Variants in SLC12A9 observed in about 807,000 individuals in gnomAD.
SLC12A9 encodes the protein CCC-interacting protein 1.
A neutral mutation model predicts 66.0 loss-of-function variants in SLC12A9; 55 were observed. That is an observed-to-expected ratio of 0.83 (90% confidence interval 0.67 to 1.04). The LOEUF (loss-of-function observed/expected upper bound fraction) is 1.04. Among genes scored for constraint, SLC12A9 ranks in the 50% least tolerant of loss-of-function variants. The pLI is 0.00. For synonymous variants in SLC12A9, 577 were observed against 569.0 expected (o/e 1.01, Z -0.20); for missense variants, 1,061 against 1,241.9 (o/e 0.85, Z 2.19).
intron 1 of SLC12A9, among the ~76,000 whole-genome samples, chr7:100,840,517 A>G (rs774404409): frequency 6.6e-6 from 1 of 152,040 alleles, no homozygotes; most frequent in Non-Finnish European, 1.5e-5. Flanking sequence ...CCCCCAACAC[A>G]CAGCGGTTGA....
chr7:100,865,913 G>T lies in SLC12A9; in HGVS notation c.2053G>T (p.Ala685Ser). 2 of 1,613,508 alleles carry T rather than the reference G, an allele frequency of 1.2e-6. No homozygotes were observed. The highest frequency in any genetic ancestry group is 1.7e-6 in the Non-Finnish European group (2 of 1,180,006). Residue 685 changes from alanine (A) to serine (S), a missense_variant, in exon 14 of 14, where the codon GCC (alanine) becomes TCC (serine). Coordinates refer to ENST00000354161, the MANE Select transcript of SLC12A9 (RefSeq NM_020246.4). ...PRALNPQDYV[A>S]TVADALKMNK... The stretch of plus-strand genomic sequence containing the variant: ...GGCCCTCAATCCCCAGGACTATGTG[G>T]CCACGGTGGCCGACGCCCTCAAGAT...
At chr7:100,851,784 C>CA (rs66749400), upstream of SLC12A9, among the ~76,000 whole-genome samples, 5,866 of 73,972 alleles carry the variant, frequency 0.079, 382 homozygotes, top group African/African-American at 0.19. Flanking sequence ...GTTCCTGGAT[C>CA]AAAAAAAAAA....
At position 100,861,165 on chromosome 7, in the gene SLC12A9, A is replaced by G; in HGVS notation, c.1246A>G (p.Thr416Ala). The change falls in exon 10 of 14, where the codon ACA (threonine) becomes GCA (alanine). Residue 416 changes from threonine to alanine, a missense_variant. By Grantham distance (58) the Thr-to-Ala change is moderately conservative. Coordinates refer to ENST00000354161, the MANE Select transcript of SLC12A9 (RefSeq NM_020246.4). The surrounding 1 kb of genome is among the most constrained non-coding windows in gnomAD (Gnocchi z 5.3). ...GGTGCTCCTGGCTGGGAAGCTGAAC[A>G]CACTGGCTGCTGTGGTCACTGTCTT... ...QLVLLAGKLN[T>A]LAAVVTVFYL... 2 of 1,614,168 alleles carry G rather than the reference A, an allele frequency of 1.2e-6. No individual in the cohort carries two copies.
rs1815133335 is a variant in SLC12A9 at position 100,866,967 on chromosome 7, A to G, written c.*362A>G. 8.5e-6 allele frequency: 2 copies of G among 234,006 alleles called. No individual in the cohort carries two copies. Among genetic ancestry groups the G allele is most frequent in the South Asian group, 2.7e-4 (2 of 7,280 alleles). 14.5% of individuals were successfully genotyped at this position (234,006 alleles called of 1,614,324 possible). A position where few individuals can be genotyped will look rare whatever the true frequency, so the allele number is the denominator to read the frequency against. On this transcript the variant is annotated 3_prime_UTR_variant, in exon 14 of 14. Transcript: ENST00000354161. This position sits in a 1 kb window ranked among gnomAD's most constrained non-coding sequence, Gnocchi z 7.3. ...GGTGGTGATGTTTTCGTTCTGTTTT[A>G]TTTTTCTAACTCTGCTGACCATGAA...
At chr7:100,850,166 CCCAGCCT>C (rs1280960915), upstream of SLC12A9, among the ~76,000 whole-genome samples, 1 of 151,846 alleles carries the variant, frequency 6.6e-6, no homozygotes. Context: ...AGCCACAATG[CCCAGCCT>C]CCTTCTTTTC....
In SLC12A9 at chr7:100,859,081, T is replaced by C. The variant is rs1005172878; in HGVS notation, c.897T>C (p.Pro299=). ...TGAAGGACCCCAGCCGGGCGATCCC[T>C]CTGGGCACGATCGTCGCCGTCGCCT... ...GELKDPSRAI[P]LGTIVAVAYT... The change falls in exon 7 of 14, where the codon CCT becomes CCC. Residue 299 remains proline, a synonymous_variant. Transcript: ENST00000354161. The C allele has an allele frequency of 6.2e-7, 1 of 1,613,920 alleles. No individual in the cohort carries two copies. The highest frequency in any genetic ancestry group is 8.5e-7 in the Non-Finnish European group (1 of 1,180,012).
Position 100,856,909 on chromosome 7 carries a change from T to A in SLC12A9, c.490T>A (p.Tyr164Asn), listed in dbSNP as rs1352070872. ...PSGLRVLPQG[Y>N]GWNLLYGSLL... ...TGGGCTCCGGGTCCTGCCCCAGGGCTACGGCTGGAACCTGCTGTATGGCTC... is the reference window on the plus strand; with the variant it reads ...TGGGCTCCGGGTCCTGCCCCAGGGCAACGGCTGGAACCTGCTGTATGGCTC... The change falls in exon 5 of 14, where the codon TAC (tyrosine) becomes AAC (asparagine). Residue 164 changes from tyrosine (Y) to asparagine (N), a missense_variant. Transcript: ENST00000354161. 1 of 1,609,900 alleles carries A rather than the reference T, an allele frequency of 6.2e-7. No homozygotes were observed. The highest frequency in any genetic ancestry group is 8.5e-7 in the Non-Finnish European group (1 of 1,179,450).
intron 13 of SLC12A9, chr7:100,865,276 T>G: frequency 6.5e-7 from 1 of 1,535,728 alleles, no homozygotes. Flanking sequence ...TTTTTCATCT[T>G]CCCATTGCAG....
chr7:100,854,439 G>T (rs1814261879), intron 2 of SLC12A9, 61 bp downstream of exon 2: 3 of 1,597,872 alleles, frequency 1.9e-6, no homozygotes, highest in Non-Finnish European at 2.6e-6. Context: ...GATGGGGAGG[G>T]GTGGAGATGG....
At chr7:100,842,261 T>A (rs1227042831) in intron 1 of SLC12A9, among the ~76,000 whole-genome samples, 1 of 152,248 alleles carries the variant, frequency 6.6e-6, no homozygotes, top group Non-Finnish European at 1.5e-5. Context: ...TATTACTCTT[T>A]CTTCTTTCCT....
chr7:100,858,660 G>A, intron 5 of SLC12A9, 175 bp from the exon 6 acceptor site: 1 of 600,144 alleles, frequency 1.7e-6, no homozygotes. Flanking sequence ...GCACTGGGGG[G>A]ACGTGGCAAT....
chr7:100,848,227 G>A (rs1005736403), upstream of SLC12A9, among the ~76,000 whole-genome samples: 12 of 151,978 alleles, frequency 7.9e-5, no homozygotes, highest in Admixed American at 3.3e-4. Flanking sequence ...AGATTGGGCC[G>A]GGTGCGGTGG....
chr7:100,831,352 A>C (rs1813539850), intron 1 of SLC12A9, among the ~76,000 whole-genome samples: 1 of 151,938 alleles, frequency 6.6e-6, no homozygotes, highest in African/African-American at 2.4e-5. Flanking sequence ...ACACCGGGCT[A>C]ATTTTGTATT....
At position 100,865,962 on chromosome 7, in the gene SLC12A9, G is replaced by C; in HGVS notation, c.2102G>C (p.Arg701Pro). ...ATGAACAAGAATGTGGTGCTGGCCC[G>C]GGCCAGCGGGGCCTTGCCCCCTGAG... ...LKMNKNVVLA[R>P]ASGALPPERL... The change falls in exon 14 of 14, where the codon CGG becomes CCG. Residue 701 changes from arginine (R) to proline (P), a missense_variant. Transcript: ENST00000354161. 1 of 1,613,026 alleles carries C rather than the reference G, an allele frequency of 6.2e-7. No homozygotes were observed. The highest frequency in any genetic ancestry group is 1.1e-5 in the South Asian group (1 of 91,066).
At position 100,861,092 on chromosome 7, in the gene SLC12A9, G is replaced by A. The variant is rs369898339; in HGVS notation, c.1219-46G>A. 2.7e-5 allele frequency: 44 copies of A among 1,613,656 alleles called. 1 individual carries two copies. The highest frequency in any genetic ancestry group is 3.3e-4 in the Middle Eastern group (2 of 6,084). ...TGGTGTTCACTGGCATTTTGGGGGT[G>A]CACTGGCACTTTGGAACAACGGCAC... On this transcript the variant is annotated intron_variant, in intron 9 of 13. Coordinates refer to ENST00000354161, the MANE Select transcript of SLC12A9 (RefSeq NM_020246.4). The surrounding 1 kb of genome is among the most constrained non-coding windows in gnomAD (Gnocchi z 5.3).
In SLC12A9 at chr7:100,859,139, C is replaced by T. The variant is rs1814586185; in HGVS notation, c.955C>T (p.Leu319Phe). The T allele has an allele frequency of 6.2e-7, 1 of 1,614,070 alleles. No homozygotes were observed. The highest frequency in any genetic ancestry group is 8.5e-7 in the Non-Finnish European group (1 of 1,180,006). Residue 319 changes from leucine (L) to phenylalanine (F), a missense_variant, in exon 7 of 14, where the codon CTC becomes TTC. Leu to Phe is a conservative substitution (Grantham distance 22). Coordinates refer to ENST00000354161, the MANE Select transcript of SLC12A9 (RefSeq NM_020246.4). ...CTTCGTCTATGTCCTGCTTTTCTTT[C>T]TCTCCAGCTTCACTTGTGACAGGTG... ...TFFVYVLLFF[L>F]SSFTCDRTLL... is the part of the protein sequence containing the mutation.
In SLC12A9 at chr7:100,861,582, C is replaced by T; in HGVS notation, c.1534C>T (p.Gln512Ter). 1.2e-6 allele frequency: 2 copies of T among 1,613,230 alleles called. No homozygotes were observed. The highest frequency in any genetic ancestry group is 1.7e-6 in the Non-Finnish European group (2 of 1,179,760). The change falls in exon 11 of 14, where the codon CAG becomes TAG. Residue 512 changes from glutamine to a stop codon, truncating the protein, a stop_gained and splice_region_variant. Coordinates refer to ENST00000354161, the MANE Select transcript of SLC12A9 (RefSeq NM_020246.4). LOFTEE classifies it high-confidence loss of function. This position sits in a 1 kb window ranked among gnomAD's most constrained non-coding sequence, Gnocchi z 5.3. ...GYVSQALLFH[Q>*]VRKYLLRLDV... ...TGTCAGCCAGGCCTTGCTTTTCCAC[C>T]AGGTATGGGGAGCTGGTGGGGCGGT...
chr7:100,834,444 T>C (rs1490340270), intron 1 of SLC12A9, among the ~76,000 whole-genome samples: 1 of 152,008 alleles, frequency 6.6e-6, no homozygotes, highest in Non-Finnish European at 1.5e-5. Context: ...TTTTGGAGAA[T>C]AGACTGAAAG....
At chr7:100,837,686 ATCTC>A (rs1490639670) in intron 1 of SLC12A9, 1 of 151,936 alleles carries the variant, frequency 6.6e-6, no homozygotes, top group East Asian at 1.9e-4. Context: ...TTGAGACAGG[ATCTC>A]TCTCTGTTGC....
Sources: allele counts gnomAD v4.1 joint callset (sites outside exome capture counted in the v4.1 genomes callset), GRCh38; gene constraint gnomAD v4.1.1; non-coding constraint Gnocchi (gnomAD v3.1); transcripts MANE v1.5; gene names NCBI Gene and HGNC (gene_info 2026-07-23, HGNC 2026-07-21).